SUGCT: variants seen among roughly 807,000 people sequenced by gnomAD.
SUGCT encodes succinyl-CoA:glutarate CoA-transferase.
A neutral mutation model predicts 55.0 loss-of-function variants in SUGCT; 41 were observed. The observed-to-expected ratio is 0.74, with a 90% CI of 0.58 to 0.97. The LOEUF is 0.97. SUGCT is among the 50% of genes least tolerant of loss of function. The pLI is 0.00. For synonymous variants in SUGCT, 187 were observed against 200.4 expected, an observed-to-expected ratio of 0.93 and a Z score of 0.56; for missense variants, 568 against 547.8, an observed-to-expected ratio of 1.04 and a Z score of -0.37.
At chr7:40,980,322 TG>T in the SUGCT span, among the ~76,000 whole-genome samples, 9 of 152,262 alleles carry the variant, frequency 5.9e-5, no homozygotes, top group East Asian at 1.7e-3. Context: ...ACATAAATAT[TG>T]GGGGGGACAC....
chr7:40,883,554 A>G, the SUGCT span, among the ~76,000 whole-genome samples: 23 of 152,188 alleles, frequency 1.5e-4, no homozygotes, highest in African/African-American at 5.3e-4. Context: ...TAATATAGCT[A>G]TTTATCTCAC....
chr7:41,016,451 C>T, the SUGCT span, among the ~76,000 whole-genome samples: 1 of 152,180 alleles, frequency 6.6e-6, no homozygotes, highest in Non-Finnish European at 1.5e-5. Flanking sequence ...CCCTGACTCT[C>T]TTGATTTTAA....
intron 1 of SUGCT, among the ~76,000 whole-genome samples, chr7:40,148,500 C>T (rs770053398): frequency 1.3e-5 from 2 of 152,024 alleles, no homozygotes; most frequent in Admixed American, 6.6e-5. Context: ...CAAAAATAGC[C>T]GGGTTTGCTG....
chr7:40,510,789 T>C (rs1792883093), intron 12 of SUGCT, among the ~76,000 whole-genome samples: 1 of 152,154 alleles, frequency 6.6e-6, no homozygotes, highest in African/African-American at 2.4e-5. Flanking sequence ...TAAATAAATG[T>C]GAAATGTAGA....
intron 12 of SUGCT, among the ~76,000 whole-genome samples, chr7:40,617,447 A>C (rs1299523499): frequency 6.6e-6 from 1 of 151,502 alleles, no homozygotes; most frequent in Non-Finnish European, 1.5e-5. Flanking sequence ...ATGTCCAGTA[A>C]AATTCTGATT....
At chr7:40,225,852 A>T (rs767122087) in intron 6 of SUGCT, among the ~76,000 whole-genome samples, 9 of 152,186 alleles carry the variant, frequency 5.9e-5, no homozygotes, top group Non-Finnish European at 1.0e-4. Context: ...ATCTTTGGGT[A>T]AGGCACTTAG....
At chr7:40,486,792 C>T (rs1007257018) in intron 11 of SUGCT, among the ~76,000 whole-genome samples, 6 of 145,372 alleles carry the variant, frequency 4.1e-5, no homozygotes, top group Non-Finnish European at 7.4e-5. Flanking sequence ...GTGGTATAAT[C>T]ATAGCTTACT....
intron 3 of SUGCT, among the ~76,000 whole-genome samples, chr7:40,186,970 G>T (rs532020651): frequency 1.1e-4 from 16 of 152,282 alleles, no homozygotes; most frequent in Middle Eastern, 3.4e-3. Flanking sequence ...AAAATTTTAA[G>T]AATTGTGCAG....
intron 13 of SUGCT, among the ~76,000 whole-genome samples, chr7:40,758,461 G>C (rs1467292813): frequency 6.6e-6 from 1 of 152,204 alleles, no homozygotes; most frequent in East Asian, 1.9e-4. Flanking sequence ...TGTTGGTGGA[G>C]ATAAAGAAAT....
the SUGCT span, among the ~76,000 whole-genome samples, chr7:40,972,788 C>A: frequency 1.3e-5 from 2 of 152,208 alleles, no homozygotes; most frequent in African/African-American, 4.8e-5. Flanking sequence ...TCCTTGCCTA[C>A]ATATCCTTGG....
rs1786873716 is a variant in SUGCT, at chr7:40,414,693, G to A, written c.817-34594G>A. ...AGGCCAGGGCGGGCAGACCACTTGA[G>A]ATCAGGAGTTCGAGACCAGCCTTGT... On this transcript the variant is annotated intron_variant, in intron 9 of 13. Transcript: ENST00000335693. 3.9e-5 allele frequency among the ~76,000 whole-genome samples: 6 copies of A among 151,952 alleles called. No homozygotes were observed. The South Asian group carries it at 1.2e-3, about 32-fold the overall frequency.
chr7:40,422,242 T>A (rs973320506), intron 9 of SUGCT, among the ~76,000 whole-genome samples: 2 of 152,144 alleles, frequency 1.3e-5, no homozygotes, highest in Non-Finnish European at 2.9e-5. Flanking sequence ...GGCAGTATTT[T>A]GTCAGTATTT....
intron 1 of SUGCT, among the ~76,000 whole-genome samples, chr7:40,144,734 T>C (rs1467197624): frequency 6.6e-6 from 1 of 152,246 alleles, no homozygotes; most frequent in Non-Finnish European, 1.5e-5. Context: ...CAGTGGACTT[T>C]ATAGTCCTTG....
intron 12 of SUGCT, among the ~76,000 whole-genome samples, chr7:40,527,914 C>G (rs1562839004): frequency 6.6e-6 from 1 of 152,070 alleles, no homozygotes; most frequent in Non-Finnish European, 1.5e-5. Flanking sequence ...GGCTTTTATG[C>G]CTAGTTTTTT....
intron 12 of SUGCT, among the ~76,000 whole-genome samples, chr7:40,719,084 G>A (rs539982812): frequency 1.7e-4 from 26 of 152,166 alleles, no homozygotes; most frequent in Non-Finnish European, 3.2e-4. Context: ...CCGATGCCCC[G>A]ACATAGCTTA....
chr7:40,498,464 C>T (rs1029429924), intron 12 of SUGCT, among the ~76,000 whole-genome samples: 1 of 152,072 alleles, frequency 6.6e-6, no homozygotes, highest in African/African-American at 2.4e-5. Flanking sequence ...TGCAGTCCCC[C>T]CTCCCCTTTT....
intron 12 of SUGCT, among the ~76,000 whole-genome samples, chr7:40,517,226 ATT>A (rs35170797): frequency 0.026 from 3,581 of 136,250 alleles, 142 homozygotes; most frequent in African/African-American, 0.089. Context: ...TTCCAGTAGC[ATT>A]TTTTTTTTTT....
chr7:40,370,491 A>G (rs1478453010), intron 9 of SUGCT, among the ~76,000 whole-genome samples: 5 of 152,074 alleles, frequency 3.3e-5, no homozygotes, highest in Non-Finnish European at 5.9e-5. Flanking sequence ...CTATGGAAGG[A>G]AAAAACATAC....
intron 6 of SUGCT, among the ~76,000 whole-genome samples, chr7:40,197,412 A>G (rs1308870939): frequency 6.6e-6 from 1 of 152,216 alleles, no homozygotes; most frequent in Non-Finnish European, 1.5e-5. Context: ...TAGCCAACAA[A>G]TGCAAAATGC....
Sources: gnomAD v4.1 joint callset for allele counts (sites outside exome capture counted in the v4.1 genomes callset) on GRCh38, gnomAD v4.1.1 for gene constraint, MANE v1.5 for transcripts, NCBI Gene and HGNC (gene_info 2026-07-23, HGNC 2026-07-21) for gene names.